PLD5: variants seen among roughly 807,000 people sequenced by gnomAD.
PLD5 encodes the protein phospholipase D family member 5.
PLD5 carries 36 observed loss-of-function variants against 61.1 expected under a neutral mutation model. The observed-to-expected ratio is 0.59, with a 90% CI of 0.45 to 0.78. PLD5 has a LOEUF of 0.78. Ranked by LOEUF, PLD5 falls within the 30% of genes least tolerant of loss-of-function variation. PLD5 has a pLI of 0.00. For missense variants in PLD5, 515 were observed against 644.4 expected (o/e 0.80, Z 2.17); for synonymous variants, 243 against 242.8 (o/e 1.00, Z -0.01).
At chr1:242,296,840 C>T (rs1235394475) in intron 2 of PLD5, among the ~76,000 whole-genome samples, 1 of 152,140 alleles carries the variant, frequency 6.6e-6, no homozygotes, top group Non-Finnish European at 1.5e-5. Context: ...GCCTTACAGC[C>T]TCCTGAGTAG....
At chr1:242,212,585 T>C (rs144028839) in intron 5 of PLD5, among the ~76,000 whole-genome samples, 7 of 152,220 alleles carry the variant, frequency 4.6e-5, no homozygotes, top group African/African-American at 1.7e-4. Flanking sequence ...CAGGAAGGTT[T>C]GTGCAGCAGG....
intron 1 of PLD5, among the ~76,000 whole-genome samples, chr1:242,496,792 T>C (rs534668943): frequency 1.2e-3 from 182 of 152,348 alleles, no homozygotes; most frequent in Non-Finnish European, 2.1e-3. Flanking sequence ...CCCTGAATGT[T>C]AGCTCATCCC....
intron 5 of PLD5, among the ~76,000 whole-genome samples, chr1:242,186,609 A>G (rs1667914090): frequency 2.6e-5 from 4 of 152,192 alleles, no homozygotes; most frequent in Admixed American, 6.5e-5. Context: ...GAGGTAAATG[A>G]GAGATACTGT....
At chr1:242,365,757 GA>G in intron 1 of PLD5, 1 of 212,646 alleles carries the variant, frequency 4.7e-6, no homozygotes, top group Non-Finnish European at 9.2e-6. Context: ...CATTACTCAA[GA>G]AAAATTGGCA....
At chr1:242,289,458 C>A (rs2149139053) in intron 2 of PLD5, among the ~76,000 whole-genome samples, 1 of 152,286 alleles carries the variant, frequency 6.6e-6, no homozygotes, top group Non-Finnish European at 1.5e-5. Context: ...AAGCAGTTCT[C>A]CTGCCTCAGC....
chr1:242,111,045 T>C (rs542710518), intron 7 of PLD5, among the ~76,000 whole-genome samples: 1 of 148,842 alleles, frequency 6.7e-6, no homozygotes, highest in South Asian at 2.1e-4. Context: ...AGAAGTGAAA[T>C]AGGGCTTCTG....
At chr1:242,152,012 AC>A (rs1384274735) in intron 5 of PLD5, among the ~76,000 whole-genome samples, 1 of 151,528 alleles carries the variant, frequency 6.6e-6, no homozygotes, top group African/African-American at 2.4e-5. Flanking sequence ...AATATGTAGA[AC>A]TTTTTTTTTT....
intron 5 of PLD5, among the ~76,000 whole-genome samples, chr1:242,171,057 C>T (rs1003120720): frequency 2.0e-4 from 31 of 152,026 alleles, no homozygotes; most frequent in African/African-American, 6.8e-4. Flanking sequence ...AGATACTCCT[C>T]GAGCAGAGCA....
chr1:242,211,363 TAA>T (rs1370084675), intron 5 of PLD5, among the ~76,000 whole-genome samples: 4 of 152,194 alleles, frequency 2.6e-5, no homozygotes, highest in South Asian at 2.1e-4. Context: ...CAAAGGAATG[TAA>T]AGTATTTTAT....
At chr1:242,401,498 G>A (rs1446147438) in intron 1 of PLD5, among the ~76,000 whole-genome samples, 1 of 152,024 alleles carries the variant, frequency 6.6e-6, no homozygotes, top group Admixed American at 6.6e-5. Flanking sequence ...GGGCCGCCGG[G>A]ACCCCACCTC....
intron 1 of PLD5, among the ~76,000 whole-genome samples, chr1:242,438,322 G>A (rs564009559): frequency 5.0e-4 from 75 of 150,822 alleles, no homozygotes; most frequent in Middle Eastern, 6.9e-3. Context: ...GGAGTGCAGC[G>A]GTGCAATCTT....
At chr1:242,147,859 C>A (rs1664644079) in intron 5 of PLD5, among the ~76,000 whole-genome samples, 1 of 152,098 alleles carries the variant, frequency 6.6e-6, no homozygotes, top group Admixed American at 6.6e-5. Flanking sequence ...TGGACTGTCT[C>A]TTTTCCTATT....
chr1:242,164,262 G>T (rs1295403482), intron 5 of PLD5, among the ~76,000 whole-genome samples: 1 of 152,108 alleles, frequency 6.6e-6, no homozygotes, highest in African/African-American at 2.4e-5. Flanking sequence ...CAACCCCACT[G>T]GATGTCAGAA....
intron 1 of PLD5, among the ~76,000 whole-genome samples, chr1:242,478,796 A>C (rs906145273): frequency 3.9e-5 from 6 of 152,236 alleles, no homozygotes; most frequent in African/African-American, 1.4e-4. Context: ...TTACTATTCC[A>C]AAAGTAAGTA....
intron 2 of PLD5, among the ~76,000 whole-genome samples, chr1:242,306,626 A>G (rs544173106): frequency 6.6e-6 from 1 of 152,306 alleles, no homozygotes; most frequent in East Asian, 1.9e-4. Flanking sequence ...ATACAAAATT[A>G]AAATTTGCCA....
chr1:242,499,165 A>G (rs891752379), intron 1 of PLD5, among the ~76,000 whole-genome samples: 1 of 152,190 alleles, frequency 6.6e-6, no homozygotes, highest in African/African-American at 2.4e-5. Flanking sequence ...TTTAATTTTC[A>G]TCTATTTGAC....
chr1:242,248,003 C>T (rs149166807), intron 4 of PLD5, among the ~76,000 whole-genome samples: 11 of 152,140 alleles, frequency 7.2e-5, no homozygotes, highest in African/African-American at 1.4e-4. Context: ...CAAATCACAC[C>T]GTGACTCGTA....
chr1:242,433,071 T>C (rs1009861813), intron 1 of PLD5, among the ~76,000 whole-genome samples: 2 of 151,876 alleles, frequency 1.3e-5, no homozygotes, highest in South Asian at 2.1e-4. Context: ...CACAAAACCG[T>C]AGAGGGGAAA....
At chr1:242,472,174 T>C (rs577671907) in intron 1 of PLD5, among the ~76,000 whole-genome samples, 39 of 152,234 alleles carry the variant, frequency 2.6e-4, no homozygotes, top group Non-Finnish European at 5.4e-4. Flanking sequence ...GAGCAGAAAA[T>C]GGAGTCTGCA....
Sources: allele counts gnomAD v4.1 joint callset (sites outside exome capture counted in the v4.1 genomes callset), GRCh38; gene constraint gnomAD v4.1.1; transcripts MANE v1.5; gene names NCBI Gene and HGNC (gene_info 2026-07-23, HGNC 2026-07-21).